Variants in PTPRT observed in about 807,000 individuals in gnomAD.
PTPRT encodes receptor-type tyrosine-protein phosphatase T.
Under a neutral mutation model 176.8 loss-of-function variants are expected in PTPRT, and 56 were observed. The observed-to-expected ratio is 0.32, with a 90% confidence interval of 0.26 to 0.40. The LOEUF (loss-of-function observed/expected upper bound fraction) is 0.40, where lower values mean the gene tolerates loss of function less well. Ranked by LOEUF, PTPRT falls within the 10% of genes least tolerant of loss-of-function variation. The pLI, the probability that PTPRT is intolerant of heterozygous loss-of-function variation, is 1.00. For synonymous variants in PTPRT, 783 were observed against 739.0 expected, an observed-to-expected ratio of 1.06 and a Z score of -0.96; for missense variants, 1,540 against 1,908.2, an observed-to-expected ratio of 0.81 and a Z score of 3.60.
At chr20:43,043,089 T>C (rs1986689970) in intron 1 of PTPRT, among the ~76,000 whole-genome samples, 1 of 152,184 alleles carries the variant, frequency 6.6e-6, no homozygotes, top group Non-Finnish European at 1.5e-5. Flanking sequence ...TGCCTCTGGC[T>C]TCCAGGACTC....
In PTPRT at chr20:42,453,735, A is replaced by G. The variant is rs534478132; in HGVS notation, c.1451-5406T>C. ...ACCCAGACTGGAGGGCAACAGCGTG[A>G]TCTTGGCTCAATGCAACCTCCGCCT... On this transcript the variant is annotated intron_variant, in intron 8 of 30. Transcript: ENST00000373187. 6.8e-5 allele frequency among the ~76,000 whole-genome samples: 10 copies of G among 147,412 alleles called. No individual in the cohort carries two copies. In the South Asian group the frequency reaches 1.1e-3, roughly 16 times the overall value.
Position 42,074,740 on chromosome 20 carries a change from GATTTCAGTTGGTGA to G in PTPRT, c.*6125_*6138del, listed in dbSNP as rs766495811. 1 of 398,598 alleles carries G rather than the reference GATTTCAGTTGGTGA, an allele frequency of 2.5e-6. No homozygotes were observed. The highest frequency in any genetic ancestry group is 4.4e-6 in the Non-Finnish European group (1 of 226,076). 24.7% of individuals were successfully genotyped at this position (398,598 alleles called of 1,614,324 possible). On this transcript the variant is annotated 3_prime_UTR_variant, in exon 31 of 31. Coordinates refer to ENST00000373187, the MANE Select transcript of PTPRT (RefSeq NM_007050.6). ...TTTAGAGACCTAACATTCATGAGTG[GATTTCAGTTGGTGA>G]ATGCCCTTTGATGACCTTTTCCCAT... is the stretch of plus-strand genomic sequence containing the variant.
chr20:42,822,519 A>T (rs2077913281), intron 2 of PTPRT, among the ~76,000 whole-genome samples: 1 of 152,246 alleles, frequency 6.6e-6, no homozygotes, highest in South Asian at 2.1e-4. Context: ...AAATGCCAAA[A>T]GCAATTGCAA....
chr20:42,829,731 T>A (rs6130232), intron 2 of PTPRT, among the ~76,000 whole-genome samples: 15,896 of 151,950 alleles, frequency 0.1, 1,108 homozygotes, highest in East Asian at 0.35. Context: ...AGAGAGTAGA[T>A]CCAAATAAAT....
intron 19 of PTPRT, among the ~76,000 whole-genome samples, chr20:42,125,843 A>T (rs1987827664): frequency 6.6e-6 from 1 of 152,150 alleles, no homozygotes; most frequent in South Asian, 2.1e-4. Flanking sequence ...TTCTAGTCAA[A>T]TGATGAATGC....
At chr20:42,490,661 T>C (rs907416513) in intron 7 of PTPRT, among the ~76,000 whole-genome samples, 3 of 152,154 alleles carry the variant, frequency 2.0e-5, no homozygotes, top group African/African-American at 7.2e-5. Flanking sequence ...TTTTATTTCT[T>C]TGCAATCCTC....
intron 7 of PTPRT, among the ~76,000 whole-genome samples, chr20:42,613,307 A>G (rs2074006138): frequency 6.6e-6 from 1 of 152,204 alleles, no homozygotes; most frequent in South Asian, 2.1e-4. Flanking sequence ...TGAAACCACA[A>G]CTTGCAGTGC....
At chr20:42,507,735 C>T (rs2223324) in intron 7 of PTPRT, among the ~76,000 whole-genome samples, 5,729 of 151,942 alleles carry the variant, frequency 0.038, 146 homozygotes, top group Middle Eastern at 0.085. Flanking sequence ...GCCAGCGGGC[C>T]GGTTTCTAAT....
At chr20:42,270,316 C>A in intron 13 of PTPRT, 1 of 1,349,858 alleles carries the variant, frequency 7.4e-7, no homozygotes, top group Non-Finnish European at 1.0e-6. Flanking sequence ...CTGCTGATTC[C>A]TCTCTGGTGC....
At chr20:42,160,813 C>G (rs1989563283) in intron 17 of PTPRT, among the ~76,000 whole-genome samples, 1 of 152,130 alleles carries the variant, frequency 6.6e-6, no homozygotes. Context: ...AGAGATGGTG[C>G]AGAAAGAGGG....
intron 12 of PTPRT, among the ~76,000 whole-genome samples, chr20:42,297,594 G>A (rs896535738): frequency 9.2e-5 from 14 of 152,246 alleles, no homozygotes; most frequent in South Asian, 8.3e-4. Context: ...AGGAAATCTC[G>A]ATGGGGAACT....
At chr20:42,480,105 T>C (rs938190086) in intron 7 of PTPRT, among the ~76,000 whole-genome samples, 2 of 152,202 alleles carry the variant, frequency 1.3e-5, no homozygotes, top group Admixed American at 1.3e-4. Context: ...TGAAAACTAC[T>C]CACTGAGCAT....
intron 2 of PTPRT, among the ~76,000 whole-genome samples, chr20:42,806,796 C>T (rs2077616162): frequency 6.6e-6 from 1 of 152,046 alleles, no homozygotes; most frequent in Non-Finnish European, 1.5e-5. Context: ...TGACTTAGTA[C>T]CAGGCAAATA....
intron 21 of PTPRT, chr20:42,115,963 G>C: frequency 1.4e-6 from 1 of 706,842 alleles, no homozygotes; most frequent in Non-Finnish European, 2.6e-6. Context: ...CCATTCCCCA[G>C]TCGACTGTTT....
chr20:43,019,573 C>T (rs1471881295), intron 1 of PTPRT, among the ~76,000 whole-genome samples: 1 of 145,986 alleles, frequency 6.8e-6, no homozygotes, highest in Non-Finnish European at 1.5e-5. Flanking sequence ...GAGCTGAGAT[C>T]ACACCACTGC....
At chr20:42,653,444 C>T (rs2075068380) in intron 7 of PTPRT, among the ~76,000 whole-genome samples, 1 of 152,162 alleles carries the variant, frequency 6.6e-6, no homozygotes, top group Non-Finnish European at 1.5e-5. Context: ...CATCAAGTAT[C>T]ACAGAATTGA....
intron 3 of PTPRT, among the ~76,000 whole-genome samples, chr20:42,782,561 A>G (rs1298860150): frequency 1.3e-5 from 2 of 152,214 alleles, no homozygotes; most frequent in Non-Finnish European, 2.9e-5. Flanking sequence ...CAGGGTGTCT[A>G]TTGGGCCTCA....
At chr20:42,839,717 T>C (rs144513729) in intron 2 of PTPRT, among the ~76,000 whole-genome samples, 37 of 152,328 alleles carry the variant, frequency 2.4e-4, no homozygotes, top group African/African-American at 7.2e-4. Context: ...TGGAGGGTCG[T>C]GAAAGCCAAC....
chr20:42,474,600 C>T (rs1005690590), intron 7 of PTPRT, among the ~76,000 whole-genome samples: 9 of 152,220 alleles, frequency 5.9e-5, no homozygotes, highest in African/African-American at 2.2e-4. Flanking sequence ...TGACATTGAA[C>T]AAGCTGTTGC....
Sources: gnomAD v4.1 joint callset for allele counts (sites outside exome capture counted in the v4.1 genomes callset) on GRCh38, gnomAD v4.1.1 for gene constraint, MANE v1.5 for transcripts, NCBI Gene and HGNC (gene_info 2026-07-23, HGNC 2026-07-21) for gene names.